Variants in UNC13C observed in about 807,000 individuals in gnomAD.
The protein encoded by UNC13C is protein unc-13 homolog C.
Under a neutral mutation model 245.4 loss-of-function variants are expected in UNC13C, and 174 were observed. That is an observed-to-expected ratio of 0.71 (90% confidence interval 0.63 to 0.80). The LOEUF (loss-of-function observed/expected upper bound fraction) is 0.80, where lower values mean the gene tolerates loss of function less well. Ranked by LOEUF, UNC13C falls within the 30% of genes least tolerant of loss-of-function variation. The pLI is 0.00. For missense variants in UNC13C, 2,829 were observed against 2,602.9 expected (o/e 1.09, Z -1.89); for synonymous variants, 992 against 895.1 (o/e 1.11, Z -1.93).
intron 19 of UNC13C, among the ~76,000 whole-genome samples, chr15:54,489,471 C>T (rs958706679): frequency 3.9e-5 from 6 of 152,136 alleles, no homozygotes. Flanking sequence ...GGCAAGGAGA[C>T]AGCCTCAATG....
At chr15:54,579,207 A>G (rs1898097392) in intron 30 of UNC13C, among the ~76,000 whole-genome samples, 1 of 152,110 alleles carries the variant, frequency 6.6e-6, no homozygotes, top group South Asian at 2.1e-4. Flanking sequence ...ATAAAGCAAC[A>G]ATTACTTCTG....
At chr15:54,577,450 C>T (rs572856460) in intron 30 of UNC13C, among the ~76,000 whole-genome samples, 83 of 152,312 alleles carry the variant, frequency 5.4e-4, no homozygotes, top group Non-Finnish European at 1.1e-3. Context: ...CTTTCCCCCA[C>T]TCCGCAGGAG....
At chr15:54,412,830 G>A (rs2040442848) in intron 18 of UNC13C, among the ~76,000 whole-genome samples, 1 of 152,082 alleles carries the variant, frequency 6.6e-6, no homozygotes, top group African/African-American at 2.4e-5. Context: ...ACAATGTTAT[G>A]TAGAAATACT....
intron 2 of UNC13C, among the ~76,000 whole-genome samples, chr15:54,122,586 A>G (rs897729317): frequency 3.3e-5 from 5 of 151,538 alleles, no homozygotes; most frequent in Admixed American, 6.6e-5. Context: ...ATCAAGATAG[A>G]AAAAAAAATT....
intron 32 of UNC13C, 100 bp from the exon 33 acceptor site, chr15:54,626,728 C>A (rs1287077210): frequency 6.6e-6 from 7 of 1,060,106 alleles, no homozygotes; most frequent in Middle Eastern, 2.1e-4. Flanking sequence ...ACATAATAAT[C>A]AGATCCAATG....
intron 4 of UNC13C, among the ~76,000 whole-genome samples, chr15:54,158,313 G>A (rs1017215088): frequency 6.6e-6 from 1 of 152,108 alleles, no homozygotes; most frequent in African/African-American, 2.4e-5. Flanking sequence ...GCATGGTGCA[G>A]TGTCATTTAC....
intron 16 of UNC13C, among the ~76,000 whole-genome samples, chr15:54,335,957 T>C (rs907203099): frequency 6.6e-6 from 1 of 152,134 alleles, no homozygotes; most frequent in African/African-American, 2.4e-5. Context: ...TGTATGTATG[T>C]ATGTATATAT....
At chr15:54,022,944 A>G (rs1259347384) in intron 2 of UNC13C, among the ~76,000 whole-genome samples, 2 of 152,188 alleles carry the variant, frequency 1.3e-5, no homozygotes, top group East Asian at 3.9e-4. Context: ...CTAGAACCCA[A>G]CGAATACATG....
At chr15:54,110,280 CA>C (rs11343698) in intron 2 of UNC13C, among the ~76,000 whole-genome samples, 135,842 of 144,812 alleles carry the variant, frequency 0.94, 64,143 homozygotes, top group East Asian at 1. Context: ...GACGCTGCCT[CA>C]AAAAAAAAAA....
At chr15:53,877,794 T>C in the UNC13C span, among the ~76,000 whole-genome samples, 1 of 152,200 alleles carries the variant, frequency 6.6e-6, no homozygotes, top group South Asian at 2.1e-4. Context: ...CCACTTTCCT[T>C]TGCCTCAGAC....
chr15:54,146,333 C>G (rs2032256842), intron 4 of UNC13C, among the ~76,000 whole-genome samples: 1 of 152,140 alleles, frequency 6.6e-6, no homozygotes, highest in South Asian at 2.1e-4. Flanking sequence ...AGTTGAGAGC[C>G]AAACGACATT....
intron 17 of UNC13C, among the ~76,000 whole-genome samples, chr15:54,380,936 T>C (rs1473559626): frequency 6.6e-6 from 1 of 152,204 alleles, no homozygotes; most frequent in Admixed American, 6.5e-5. Flanking sequence ...GAGTTCTTTG[T>C]TGTACAAAAG....
At chr15:54,624,208 A>C (rs1237897859) in intron 32 of UNC13C, among the ~76,000 whole-genome samples, 4 of 152,110 alleles carry the variant, frequency 2.6e-5, no homozygotes, top group Non-Finnish European at 1.5e-5. Flanking sequence ...TCTACAGATG[A>C]GGAGTGTATG....
chr15:53,883,121 C>G, the UNC13C span, among the ~76,000 whole-genome samples: 1 of 152,062 alleles, frequency 6.6e-6, no homozygotes, highest in Non-Finnish European at 1.5e-5. Flanking sequence ...CCAGAGAAAA[C>G]TAACTCTGTA....
At chr15:54,285,939 G>A (rs573491955) in intron 10 of UNC13C, among the ~76,000 whole-genome samples, 68 of 152,034 alleles carry the variant, frequency 4.5e-4, no homozygotes, top group African/African-American at 1.6e-3. Flanking sequence ...GTGCAGTGGT[G>A]TTATCTCAGT....
chr15:54,410,788 T>C (rs927081964), intron 18 of UNC13C, among the ~76,000 whole-genome samples: 1 of 152,190 alleles, frequency 6.6e-6, no homozygotes, highest in African/African-American at 2.4e-5. Flanking sequence ...AGTTAGGTAG[T>C]GTGATATCTT....
At chr15:53,866,022 A>G in the UNC13C span, among the ~76,000 whole-genome samples, 2 of 152,282 alleles carry the variant, frequency 1.3e-5, no homozygotes, top group East Asian at 1.9e-4. Context: ...CAGTAGAATT[A>G]CCACAAAGAA....
intron 2 of UNC13C, among the ~76,000 whole-genome samples, chr15:54,110,916 C>T (rs904579950): frequency 1.3e-5 from 2 of 152,180 alleles, no homozygotes; most frequent in African/African-American, 4.8e-5. Flanking sequence ...TTTGCATATA[C>T]CATTGCACTT....
At chr15:54,344,583 A>G (rs1416319124) in intron 17 of UNC13C, among the ~76,000 whole-genome samples, 1 of 152,174 alleles carries the variant, frequency 6.6e-6, no homozygotes, top group Non-Finnish European at 1.5e-5. Flanking sequence ...GGAAGCATCC[A>G]TTGGAGCTGA....
Sources: allele counts gnomAD v4.1 joint callset (sites outside exome capture counted in the v4.1 genomes callset), GRCh38; gene constraint gnomAD v4.1.1; transcripts MANE v1.5; gene names NCBI Gene and HGNC (gene_info 2026-07-23, HGNC 2026-07-21).